Variants in PALM2AKAP2 observed in about 807,000 individuals in gnomAD.
PALM2AKAP2 encodes PALM2 and AKAP2 fusion, also known as PALM2-AKAP2 fusion protein.
Under a neutral mutation model 71.5 loss-of-function variants are expected in PALM2AKAP2, and 37 were observed. The observed-to-expected ratio is 0.52, with a 90% CI of 0.40 to 0.68. The LOEUF is 0.68. Among genes scored for constraint, PALM2AKAP2 ranks in the 30% least tolerant of loss-of-function variants. The pLI is 0.00. For synonymous variants in PALM2AKAP2, 468 were observed against 478.8 expected, an observed-to-expected ratio of 0.98 and a Z score of 0.29; for missense variants, 1,224 against 1,191.8, an observed-to-expected ratio of 1.03 and a Z score of -0.40.
chr9:110,112,089 A>G (rs928667042), intron 1 of PALM2AKAP2, among the ~76,000 whole-genome samples: 18 of 152,068 alleles, frequency 1.2e-4, no homozygotes, highest in African/African-American at 4.3e-4. Context: ...AGAGAATTCC[A>G]ACCACTCAGC....
intron 1 of PALM2AKAP2, among the ~76,000 whole-genome samples, chr9:110,131,920 C>G (rs1835742837): frequency 6.6e-6 from 1 of 152,136 alleles, no homozygotes; most frequent in Non-Finnish European, 1.5e-5. Context: ...GAAGGAGGGC[C>G]TCTTTCCTGT....
chr9:109,915,751 T>G (rs1366162433), intron 3 of PALM2AKAP2, among the ~76,000 whole-genome samples: 1 of 152,122 alleles, frequency 6.6e-6, no homozygotes, highest in Non-Finnish European at 1.5e-5. Flanking sequence ...TTACTGTATC[T>G]AGCAAAAACA....
intron 1 of PALM2AKAP2, among the ~76,000 whole-genome samples, chr9:109,855,409 A>C (rs1202599629): frequency 1.3e-5 from 2 of 152,138 alleles, no homozygotes; most frequent in South Asian, 2.1e-4. Context: ...TGTTTTATTT[A>C]TACATTTTCA....
intron 2 of PALM2AKAP2, among the ~76,000 whole-genome samples, chr9:109,876,056 A>G (rs1454100764): frequency 6.6e-6 from 1 of 152,186 alleles, no homozygotes; most frequent in Non-Finnish European, 1.5e-5. Flanking sequence ...CCTTATCTCT[A>G]CTAAAGCTAT....
At chr9:109,907,625 C>T (rs901066258) in intron 3 of PALM2AKAP2, among the ~76,000 whole-genome samples, 2 of 152,098 alleles carry the variant, frequency 1.3e-5, no homozygotes, top group Non-Finnish European at 2.9e-5. Flanking sequence ...AGCAGCCAAG[C>T]GGGAAACAAT....
At chr9:109,955,334 G>A (rs889873133) in intron 6 of PALM2AKAP2, among the ~76,000 whole-genome samples, 6 of 152,118 alleles carry the variant, frequency 3.9e-5, no homozygotes, top group Admixed American at 3.9e-4. Context: ...TGCTACAGAG[G>A]AACCCATGTG....
Position 109,861,996 on chromosome 9 carries a change from T to C in PALM2AKAP2, c.46-5495T>C, listed in dbSNP as rs187806919. On this transcript the variant is annotated intron_variant, in intron 1 of 9. Coordinates refer to the PALM2AKAP2 transcript ENST00000302798. ...AAGCATAAATTACATGTATTCATCA[T>C]ACAATATTCTAGGCTTTAGAGATGT... is the stretch of plus-strand genomic sequence containing the variant. Among the ~76,000 whole-genome samples, 15 of 152,328 alleles carry C rather than the reference T, an allele frequency of 9.8e-5. No individual in the cohort carries two copies. In the East Asian group the frequency reaches 2.3e-3, roughly 24 times the overall value.
At position 110,163,008 on chromosome 9, in the gene PALM2AKAP2, G is replaced by A. The variant is rs1332481562; in HGVS notation, c.2749-5391G>A. Among the ~76,000 whole-genome samples, 7 of 151,894 alleles carry A rather than the reference G, an allele frequency of 4.6e-5. No individual in the cohort carries two copies. The East Asian group carries it at 1.2e-3, about 25-fold the overall frequency. ...GTTACAGGTGTGAGCCACTGTTCTC[G>A]GTCCCCAAAAGTCTTCTTTCCTTTT... is the stretch of plus-strand genomic sequence containing the variant. On this transcript the variant is annotated intron_variant, in intron 3 of 3. Coordinates refer to ENST00000374525, the Ensembl canonical transcript of PALM2AKAP2.
At chr9:109,657,133 G>A (rs1827318715) in intron 1 of PALM2AKAP2, among the ~76,000 whole-genome samples, 1 of 152,190 alleles carries the variant, frequency 6.6e-6, no homozygotes, top group Non-Finnish European at 1.5e-5. Context: ...ATGCCCCAGG[G>A]TCAGAATCTC....
At chr9:110,148,140 G>A (rs1307315921) in intron 2 of PALM2AKAP2, among the ~76,000 whole-genome samples, 5 of 152,100 alleles carry the variant, frequency 3.3e-5, no homozygotes, top group African/African-American at 9.7e-5. Context: ...GATCTTGGTG[G>A]AGAATTACTA....
At chr9:109,691,925 CACAT>C (rs1434263152) in intron 1 of PALM2AKAP2, among the ~76,000 whole-genome samples, 7 of 96,628 alleles carry the variant, frequency 7.2e-5, no homozygotes, top group African/African-American at 1.9e-4. Context: ...TATATATATA[CACAT>C]ATATATATAT....
chr9:110,012,710 G>T (rs928850122), intron 6 of PALM2AKAP2, among the ~76,000 whole-genome samples: 2 of 152,114 alleles, frequency 1.3e-5, no homozygotes, highest in Non-Finnish European at 2.9e-5. Flanking sequence ...CTTGATGGAA[G>T]ACTAAAATAT....
chr9:109,737,617 G>C (rs527325532), intron 1 of PALM2AKAP2, among the ~76,000 whole-genome samples: 1 of 152,292 alleles, frequency 6.6e-6, no homozygotes, highest in Admixed American at 6.5e-5. Flanking sequence ...CTGGAACTAG[G>C]GCTTTGCTAA....
intron 1 of PALM2AKAP2, among the ~76,000 whole-genome samples, chr9:109,652,696 A>G (rs539904400): frequency 2.0e-5 from 3 of 152,342 alleles, no homozygotes; most frequent in African/African-American, 7.2e-5. Context: ...CATAATTATT[A>G]AGTACCTGGT....
intron 1 of PALM2AKAP2, chr9:110,127,974 T>A (rs1835651995): frequency 6.6e-6 from 1 of 152,238 alleles, no homozygotes; most frequent in South Asian, 2.1e-4. Flanking sequence ...TGAGAGCATA[T>A]AGCTCTGCAG....
intron 2 of PALM2AKAP2, among the ~76,000 whole-genome samples, chr9:109,869,397 C>T (rs1829542685): frequency 6.6e-6 from 1 of 152,092 alleles, no homozygotes; most frequent in Admixed American, 6.5e-5. Context: ...GGCATGATTT[C>T]AGCTCACTGC....
chr9:109,885,639 A>G (rs958430278), intron 3 of PALM2AKAP2, among the ~76,000 whole-genome samples: 2 of 152,192 alleles, frequency 1.3e-5, no homozygotes, highest in Non-Finnish European at 2.9e-5. Flanking sequence ...GGACAACCCA[A>G]CCCTTGATTC....
At position 109,940,850 on chromosome 9, in the gene PALM2AKAP2, G is replaced by C. The variant is rs372800018; in HGVS notation, c.496+8822G>C. ...CTGAAGGGAACTATATGCCATGCTG[G>C]GGAGTTTGGTGTTTATTTTCTAAAG... On this transcript the variant is annotated intron_variant, in intron 6 of 9. Transcript: ENST00000302798. 1.2e-4 allele frequency among the ~76,000 whole-genome samples: 18 copies of C among 152,292 alleles called. No individual in the cohort carries two copies. In the East Asian group the frequency reaches 3.1e-3, roughly 26 times the overall value.
At chr9:109,903,280 G>T (rs1185782268) in intron 3 of PALM2AKAP2, among the ~76,000 whole-genome samples, 1 of 151,958 alleles carries the variant, frequency 6.6e-6, no homozygotes, top group Non-Finnish European at 1.5e-5. Context: ...CTGGCCTTTG[G>T]TGGCAGGGAG....
Sources: allele counts gnomAD v4.1 joint callset (sites outside exome capture counted in the v4.1 genomes callset), GRCh38; gene constraint gnomAD v4.1.1; transcripts MANE v1.5; gene names NCBI Gene and HGNC (gene_info 2026-07-23, HGNC 2026-07-21).